Variants in CNTN6 observed in about 807,000 individuals in gnomAD.
CNTN6 encodes the protein contactin-6.
In CNTN6, 137 loss-of-function variants were observed where a neutral mutation model predicts 122.8. That is an observed-to-expected ratio of 1.12 (90% CI 0.97 to 1.29). The LOEUF is 1.29. Ranked by LOEUF, CNTN6 falls within the 50% of genes most tolerant of loss-of-function variation. The probability of loss-of-function intolerance (pLI) is 0.00; values close to 1 mark genes in which losing one functional copy is unlikely to be tolerated. For synonymous variants in CNTN6, 570 were observed against 426.0 expected, an observed-to-expected ratio of 1.34 and a Z score of -4.16; for missense variants, 1,634 against 1,223.4, an observed-to-expected ratio of 1.34 and a Z score of -5.01.
intron 1 of CNTN6, among the ~76,000 whole-genome samples, chr3:1,107,706 C>G: frequency 6.6e-6 from 1 of 151,998 alleles, no homozygotes; most frequent in South Asian, 2.1e-4. Flanking sequence ...TGCCTTTCAG[C>G]TCTCATGGTA....
chr3:1,113,380 T>C (rs1170983541), intron 1 of CNTN6, among the ~76,000 whole-genome samples: 1 of 152,184 alleles, frequency 6.6e-6, no homozygotes, highest in Admixed American at 6.5e-5. Context: ...TCCAGAATCA[T>C]GACTTATTCA....
intron 4 of CNTN6, among the ~76,000 whole-genome samples, chr3:1,236,097 A>T (rs1193301444): frequency 6.6e-6 from 1 of 152,076 alleles, no homozygotes; most frequent in Non-Finnish European, 1.5e-5. Flanking sequence ...GACACACCTT[A>T]TCCCTATCCC....
At chr3:1,254,025 T>C (rs2094713634) in intron 4 of CNTN6, among the ~76,000 whole-genome samples, 1 of 152,222 alleles carries the variant, frequency 6.6e-6, no homozygotes, top group African/African-American at 2.4e-5. Flanking sequence ...GACATTTTTC[T>C]TTAAAATTTT....
At chr3:1,346,065 C>T (rs1343022831) in intron 11 of CNTN6, among the ~76,000 whole-genome samples, 1 of 151,068 alleles carries the variant, frequency 6.6e-6, no homozygotes, top group East Asian at 1.9e-4. Context: ...TGGTTGATAC[C>T]AAACAAAAAA....
chr3:1,218,883 C>A (rs1381904025), intron 2 of CNTN6, among the ~76,000 whole-genome samples: 1 of 151,968 alleles, frequency 6.6e-6, no homozygotes, highest in Non-Finnish European at 1.5e-5. Flanking sequence ...TTGTTTTTAA[C>A]AACAACAACA....
chr3:1,383,659 A>G (rs867574226), intron 19 of CNTN6, among the ~76,000 whole-genome samples: 1 of 151,046 alleles, frequency 6.6e-6, no homozygotes, highest in South Asian at 2.1e-4. Context: ...AAACAAAAAC[A>G]AAAACAAAAA....
At chr3:1,348,589 T>A (rs569691971) in intron 11 of CNTN6, among the ~76,000 whole-genome samples, 2 of 152,186 alleles carry the variant, frequency 1.3e-5, no homozygotes, top group African/African-American at 4.8e-5. Flanking sequence ...TACATACATA[T>A]ATACACACAT....
chr3:1,313,568 A>G (rs577356839), intron 7 of CNTN6, among the ~76,000 whole-genome samples: 5 of 152,230 alleles, frequency 3.3e-5, no homozygotes, highest in African/African-American at 4.8e-5. Context: ...ATTCAGCTCT[A>G]TAAAATTTGC....
intron 19 of CNTN6, among the ~76,000 whole-genome samples, chr3:1,384,760 CATATAT>C (rs1265155889): frequency 1.0e-5 from 1 of 100,080 alleles, no homozygotes; most frequent in Admixed American, 1.0e-4. Flanking sequence ...CATATATATA[CATATAT>C]ATACACATAT....
At chr3:1,130,369 T>G (rs577012869) in intron 1 of CNTN6, among the ~76,000 whole-genome samples, 1 of 152,218 alleles carries the variant, frequency 6.6e-6, no homozygotes, top group East Asian at 1.9e-4. Flanking sequence ...GACTGAAGGC[T>G]ATTTTCTGGC....
chr3:1,233,540 C>T (rs34831820), intron 4 of CNTN6, among the ~76,000 whole-genome samples: 56,683 of 151,222 alleles, frequency 0.37, 13,056 homozygotes, highest in African/African-American at 0.65. Flanking sequence ...TTGAGACCAG[C>T]CTGGCCAACA....
At chr3:1,344,151 G>A (rs1293806912) in intron 11 of CNTN6, among the ~76,000 whole-genome samples, 2 of 152,122 alleles carry the variant, frequency 1.3e-5, no homozygotes, top group Non-Finnish European at 2.9e-5. Context: ...GACTGGAGAA[G>A]GATGTGATAG....
rs1692793368 is a variant in CNTN6, at chr3:1,385,745, T to C, written c.2652T>C (p.Thr884=). The C allele has an allele frequency of 1.4e-5, 22 of 1,614,020 alleles. No homozygotes were observed. Among genetic ancestry groups the C allele is most frequent in the Non-Finnish European group, 1.9e-5 (22 of 1,179,952 alleles). Residue 884 remains threonine, a synonymous_variant, in exon 20 of 23, where the codon ACT becomes ACC. Coordinates refer to ENST00000446702, the MANE Select transcript of CNTN6 (RefSeq NM_001289080.2). The part of the protein sequence containing the change: ...IYFASVRAYN[T]AGTGPSSPPV... The stretch of plus-strand genomic sequence containing the variant: ...TTGCTTCCGTAAGAGCTTACAACAC[T>C]GCTGGGACAGGGCCCTCAAGCCCCC...
At chr3:1,254,375 A>T (rs55946455) in intron 4 of CNTN6, among the ~76,000 whole-genome samples, 11,362 of 152,186 alleles carry the variant, frequency 0.075, 792 homozygotes, top group East Asian at 0.32. Flanking sequence ...CTACGTGTTT[A>T]CTTATTTTAA....
intron 12 of CNTN6, among the ~76,000 whole-genome samples, chr3:1,371,883 C>T (rs1709065038): frequency 6.6e-6 from 1 of 152,080 alleles, no homozygotes; most frequent in Non-Finnish European, 1.5e-5. Flanking sequence ...CTATGGTGGT[C>T]ATAATCTTAG....
At chr3:1,321,625 A>T in intron 7 of CNTN6, 25 bp from the exon 8 acceptor site, 2 of 1,509,778 alleles carry the variant, frequency 1.3e-6, no homozygotes, top group South Asian at 1.2e-5. Context: ...ACCGTCTTCT[A>T]TTCTAATGAG....
intron 2 of CNTN6, among the ~76,000 whole-genome samples, chr3:1,168,409 A>T (rs1455154251): frequency 6.7e-6 from 1 of 149,336 alleles, no homozygotes; most frequent in Non-Finnish European, 1.5e-5. Flanking sequence ...TACAGGAGGT[A>T]GTGTAGAACA....
intron 2 of CNTN6, among the ~76,000 whole-genome samples, chr3:1,169,326 G>T (rs7646353): frequency 6.6e-6 from 1 of 152,122 alleles, no homozygotes; most frequent in Admixed American, 6.5e-5. Context: ...TCAGGTGTGG[G>T]GAAGGAGGGG....
At chr3:1,315,133 A>AT (rs1162760822) in intron 7 of CNTN6, among the ~76,000 whole-genome samples, 1 of 151,998 alleles carries the variant, frequency 6.6e-6, no homozygotes, top group Non-Finnish European at 1.5e-5. Flanking sequence ...GTTTCAAGAG[A>AT]TTTAACGATA....
Sources: allele counts gnomAD v4.1 joint callset (sites outside exome capture counted in the v4.1 genomes callset), GRCh38; gene constraint gnomAD v4.1.1; transcripts MANE v1.5; gene names NCBI Gene and HGNC (gene_info 2026-07-23, HGNC 2026-07-21).